The following NPAS3 variants were observed in gnomAD, a reference collection of about 807,000 sequenced individuals.
NPAS3 encodes the protein neuronal PAS domain-containing protein 3.
In NPAS3, 14 loss-of-function variants were observed where a neutral mutation model predicts 73.1. The observed-to-expected ratio is 0.19, with a 90% CI of 0.13 to 0.30. NPAS3 has a LOEUF of 0.30. Among genes scored for constraint, NPAS3 ranks in the 10% least tolerant of loss-of-function variants. The probability of loss-of-function intolerance (pLI) is 1.00; values close to 1 mark genes in which losing one functional copy is unlikely to be tolerated. For synonymous variants in NPAS3, 620 were observed against 541.5 expected (o/e 1.14, Z -2.01); for missense variants, 1,096 against 1,250.0 (o/e 0.88, Z 1.86).
chr14:33,346,265 G>A (rs938584446), intron 3 of NPAS3, among the ~76,000 whole-genome samples: 2 of 149,718 alleles, frequency 1.3e-5, no homozygotes, highest in East Asian at 2.0e-4. Context: ...ACAGTGGCTC[G>A]TGCCTGTAAT....
At chr14:33,007,181 G>A (rs2039029394) in intron 1 of NPAS3, among the ~76,000 whole-genome samples, 1 of 152,140 alleles carries the variant, frequency 6.6e-6, no homozygotes, top group South Asian at 2.1e-4. Context: ...AGTGTGGATT[G>A]TAGGAGCCAC....
At chr14:33,316,743 A>T (rs2043222130) in intron 3 of NPAS3, among the ~76,000 whole-genome samples, 1 of 152,022 alleles carries the variant, frequency 6.6e-6, no homozygotes, top group Admixed American at 6.6e-5. Context: ...CATGTCATGT[A>T]CTCTTAGAGC....
intron 3 of NPAS3, among the ~76,000 whole-genome samples, chr14:33,255,553 T>C (rs755882280): frequency 3.3e-5 from 5 of 152,154 alleles, no homozygotes; most frequent in Non-Finnish European, 5.9e-5. Context: ...AATTGCCAAG[T>C]GGGCTATTAG....
intron 2 of NPAS3, among the ~76,000 whole-genome samples, chr14:33,128,132 G>C (rs1160497065): frequency 6.6e-6 from 1 of 152,136 alleles, no homozygotes; most frequent in Admixed American, 6.5e-5. Flanking sequence ...CAAAAAAGCT[G>C]TAAAAATTAG....
intron 4 of NPAS3, among the ~76,000 whole-genome samples, chr14:33,514,309 C>T (rs1354774299): frequency 6.6e-6 from 1 of 151,982 alleles, no homozygotes; most frequent in Admixed American, 6.6e-5. Flanking sequence ...AATCCAACCT[C>T]CTATCCCTCT....
At chr14:33,611,848 C>T (rs1320392634) in intron 5 of NPAS3, among the ~76,000 whole-genome samples, 3 of 152,120 alleles carry the variant, frequency 2.0e-5, no homozygotes, top group Admixed American at 6.6e-5. Flanking sequence ...TTTAACTCAT[C>T]ATTTTCCTTA....
chr14:32,998,465 A>T (rs1479417355), intron 1 of NPAS3, among the ~76,000 whole-genome samples: 1 of 152,170 alleles, frequency 6.6e-6, no homozygotes, highest in Admixed American at 6.5e-5. Context: ...TAGTGGTTTC[A>T]CATCTCTTTC....
At chr14:33,517,934 C>G (rs1283468251) in intron 4 of NPAS3, among the ~76,000 whole-genome samples, 1 of 152,016 alleles carries the variant, frequency 6.6e-6, no homozygotes, top group Non-Finnish European at 1.5e-5. Context: ...CTCGGCTCTC[C>G]CCAGCACCCT....
chr14:33,743,840 TG>T (rs2061714705), intron 7 of NPAS3, among the ~76,000 whole-genome samples: 1 of 152,254 alleles, frequency 6.6e-6, no homozygotes, highest in East Asian at 1.9e-4. Context: ...TTTTATGTTA[TG>T]GAGATGGCTT....
Position 33,754,100 on chromosome 14 carries a change from C to T in NPAS3, c.852+18768C>T, listed in dbSNP as rs1308968331. ...GAAACATCCTCTTGGAGGTGCCCCG[C>T]GACCCCACTGGGGTGGCGGCTAGAG... On this transcript the variant is annotated intron_variant, in intron 7 of 11. Coordinates refer to ENST00000356141, the Ensembl canonical transcript of NPAS3. Among the ~76,000 whole-genome samples, 8 of 152,206 alleles carry T rather than the reference C, an allele frequency of 5.3e-5. No individual in the cohort carries two copies. The South Asian group carries it at 1.2e-3, about 24-fold the overall frequency.
intron 6 of NPAS3, among the ~76,000 whole-genome samples, chr14:33,719,973 T>A (rs1188711930): frequency 1.3e-5 from 2 of 152,066 alleles, no homozygotes; most frequent in African/African-American, 2.4e-5. Context: ...TAAAGAGATT[T>A]CATGTCTAAA....
At chr14:33,789,932 C>T (rs956319422) in intron 9 of NPAS3, among the ~76,000 whole-genome samples, 2 of 152,246 alleles carry the variant, frequency 1.3e-5, no homozygotes, top group South Asian at 2.1e-4. Flanking sequence ...TGCTTTGACA[C>T]GATCAGTGAA....
intron 5 of NPAS3, among the ~76,000 whole-genome samples, chr14:33,562,467 G>A (rs1322390292): frequency 6.6e-6 from 1 of 152,186 alleles, no homozygotes; most frequent in Non-Finnish European, 1.5e-5. Context: ...TATGCAGGTA[G>A]AGGCTATGAG....
intron 1 of NPAS3, among the ~76,000 whole-genome samples, chr14:32,994,058 T>C (rs1033179482): frequency 2.0e-5 from 3 of 152,216 alleles, no homozygotes; most frequent in Non-Finnish European, 4.4e-5. Flanking sequence ...TATGCAGAGA[T>C]ATCATCCTTT....
intron 4 of NPAS3, among the ~76,000 whole-genome samples, chr14:33,396,633 T>C (rs1232572037): frequency 1.3e-5 from 2 of 152,162 alleles, no homozygotes; most frequent in African/African-American, 4.8e-5. Flanking sequence ...TTATGCATAA[T>C]CTCCTAAATA....
chr14:32,958,774 T>C (rs2139201747), intron 1 of NPAS3, among the ~76,000 whole-genome samples: 1 of 152,292 alleles, frequency 6.6e-6, no homozygotes, highest in African/African-American at 2.4e-5. Context: ...GCTCAGTATA[T>C]TATACATGAA....
At chr14:32,954,058 G>A (rs2036585078) in intron 1 of NPAS3, among the ~76,000 whole-genome samples, 1 of 152,166 alleles carries the variant, frequency 6.6e-6, no homozygotes, top group Non-Finnish European at 1.5e-5. Flanking sequence ...GGACCTAGTG[G>A]TGGCATAGTC....
In NPAS3 at chr14:33,777,216, CTG is replaced by C. The variant is rs1394582117; in HGVS notation, c.1047-1247_1047-1246del. Among the ~76,000 whole-genome samples the C allele has an allele frequency of 2.6e-5, 4 of 152,164 alleles. No individual in the cohort carries two copies. In the East Asian group the frequency reaches 7.7e-4, roughly 29 times the overall value. On this transcript the variant is annotated intron_variant, in intron 8 of 11. Coordinates refer to ENST00000356141, the Ensembl canonical transcript of NPAS3. The stretch of plus-strand genomic sequence containing the variant: ...CCTCATTTGCAGAAAGGGGGTTTAA[CTG>C]TGCTTGGAAGATAGCTAATGGTTTT...
intron 5 of NPAS3, among the ~76,000 whole-genome samples, chr14:33,659,990 T>C (rs2059262235): frequency 6.6e-6 from 1 of 151,976 alleles, no homozygotes; most frequent in African/African-American, 2.4e-5. Context: ...CCAGGACCAC[T>C]CTCCTGAGGC....
Sources: gnomAD v4.1 joint callset for allele counts (sites outside exome capture counted in the v4.1 genomes callset) on GRCh38, gnomAD v4.1.1 for gene constraint, MANE v1.5 for transcripts, NCBI Gene and HGNC (gene_info 2026-07-23, HGNC 2026-07-21) for gene names.